The following NKAIN2 variants were observed in gnomAD, a reference collection of about 807,000 sequenced individuals.
The protein encoded by NKAIN2 is sodium/potassium transporting ATPase interacting 2.
NKAIN2 carries 14 observed loss-of-function variants against 32.6 expected under a neutral mutation model. That is an observed-to-expected ratio of 0.43 (90% CI 0.28 to 0.67). The LOEUF is 0.67. NKAIN2 is among the 30% of genes least tolerant of loss of function. The pLI is 0.17. For synonymous variants in NKAIN2, 80 were observed against 87.2 expected (o/e 0.92, Z 0.46); for missense variants, 198 against 258.3 (o/e 0.77, Z 1.60).
intron 1 of NKAIN2, among the ~76,000 whole-genome samples, chr6:123,850,639 C>T (rs1238509124): frequency 6.6e-6 from 1 of 152,080 alleles, no homozygotes; most frequent in Non-Finnish European, 1.5e-5. Flanking sequence ...ATAAACATTG[C>T]ATTTATTTAT....
At chr6:124,420,548 G>A (rs1158251519) in intron 3 of NKAIN2, among the ~76,000 whole-genome samples, 1 of 152,104 alleles carries the variant, frequency 6.6e-6, no homozygotes, top group Admixed American at 6.5e-5. Context: ...AGGCTTCTCA[G>A]TGTTAAAATT....
chr6:124,514,057 T>G (rs1347808527), intron 3 of NKAIN2, among the ~76,000 whole-genome samples: 1 of 152,132 alleles, frequency 6.6e-6, no homozygotes, highest in African/African-American at 2.4e-5. Context: ...GAACCAAATA[T>G]TATCAAAACA....
intron 1 of NKAIN2, among the ~76,000 whole-genome samples, chr6:123,825,804 C>G (rs1774122292): frequency 1.3e-5 from 2 of 152,132 alleles, no homozygotes; most frequent in East Asian, 3.9e-4. Flanking sequence ...GATAAAAACC[C>G]TCATGCAGCA....
chr6:124,192,836 G>A lies in NKAIN2; in HGVS notation c.55-90169G>A, dbSNP rs374031724. Among the ~76,000 whole-genome samples, 7 of 132,534 alleles carry A rather than the reference G, an allele frequency of 5.3e-5. No individual in the cohort carries two copies. In the East Asian group the frequency reaches 7.7e-4, roughly 15 times the overall value. 86.9% of individuals were successfully genotyped at this position (132,534 alleles called of 152,430 possible). A position where few individuals can be genotyped will look rare whatever the true frequency, so the allele number is the denominator to read the frequency against. On this transcript the variant is annotated intron_variant, in intron 1 of 6. Coordinates refer to ENST00000368417, the MANE Select transcript of NKAIN2 (RefSeq NM_001040214.3). ...ACGATCTCGGCTCACTGCAAGCTCC[G>A]CCTCCCGGGTTCACGCCATTCTCCT...
intron 5 of NKAIN2, among the ~76,000 whole-genome samples, chr6:124,804,302 G>A (rs1044887820): frequency 3.9e-5 from 6 of 152,130 alleles, no homozygotes; most frequent in African/African-American, 1.4e-4. Flanking sequence ...TAGCAGATAT[G>A]AACAAGAACA....
At chr6:124,425,521 G>A (rs9491174) in intron 3 of NKAIN2, among the ~76,000 whole-genome samples, 2,279 of 152,112 alleles carry the variant, frequency 0.015, 57 homozygotes, top group African/African-American at 0.052. Context: ...ACTACCGACT[G>A]GGATGAAGTA....
At chr6:124,254,075 A>C (rs1793813085) in intron 1 of NKAIN2, among the ~76,000 whole-genome samples, 1 of 151,842 alleles carries the variant, frequency 6.6e-6, no homozygotes, top group Non-Finnish European at 1.5e-5. Flanking sequence ...TCGGCCTCCC[A>C]AAGTACTGTG....
At chr6:124,457,510 A>C (rs2114638339) in intron 3 of NKAIN2, among the ~76,000 whole-genome samples, 1 of 152,038 alleles carries the variant, frequency 6.6e-6, no homozygotes, top group Admixed American at 6.6e-5. Flanking sequence ...GTTCCCTCAG[A>C]ACTTCTCATA....
intron 2 of NKAIN2, among the ~76,000 whole-genome samples, chr6:124,312,519 A>G (rs1201397065): frequency 6.6e-6 from 1 of 152,178 alleles, no homozygotes; most frequent in Non-Finnish European, 1.5e-5. Flanking sequence ...TTATTATAAA[A>G]AGAATATTAC....
chr6:124,759,510 CCTCA>C (rs1778125949), intron 4 of NKAIN2, among the ~76,000 whole-genome samples: 1 of 151,474 alleles, frequency 6.6e-6, no homozygotes, highest in Non-Finnish European at 1.5e-5. Context: ...TGCGTTCTCT[CCTCA>C]CTTTCTTTCG....
At chr6:124,173,780 C>A (rs931661502) in intron 1 of NKAIN2, among the ~76,000 whole-genome samples, 2 of 151,866 alleles carry the variant, frequency 1.3e-5, no homozygotes, top group African/African-American at 4.8e-5. Context: ...AAAGTTTTTT[C>A]AGGTTTGTGC....
At position 124,215,122 on chromosome 6, in the gene NKAIN2, C is replaced by T. The variant is rs191081269; in HGVS notation, c.55-67883C>T. On this transcript the variant is annotated intron_variant, in intron 1 of 6. Coordinates refer to ENST00000368417, the MANE Select transcript of NKAIN2 (RefSeq NM_001040214.3). ...TATTAAAAAAACAATAATCATGGAA[C>T]ATAAGCAATCAACACTTTAATTGTG... Among the ~76,000 whole-genome samples the T allele has an allele frequency of 5.1e-3, 781 of 152,102 alleles. 4 individuals carry two copies. Among genetic ancestry groups the T allele is most frequent in the Middle Eastern group, 6.8e-3 (2 of 294 alleles).
chr6:124,416,074 A>C (rs1429984708), intron 3 of NKAIN2, among the ~76,000 whole-genome samples: 2 of 151,574 alleles, frequency 1.3e-5, no homozygotes, highest in Admixed American at 6.6e-5. Flanking sequence ...AATTTTTTCT[A>C]TTTCTCCCAC....
intron 1 of NKAIN2, among the ~76,000 whole-genome samples, chr6:123,907,339 G>A (rs944472688): frequency 6.6e-6 from 1 of 151,974 alleles, no homozygotes; most frequent in African/African-American, 2.4e-5. Context: ...TTTTTAAAAT[G>A]TGAAGTTCTT....
At chr6:124,287,617 G>T (rs1401199713) in intron 2 of NKAIN2, among the ~76,000 whole-genome samples, 1 of 152,074 alleles carries the variant, frequency 6.6e-6, no homozygotes, top group Non-Finnish European at 1.5e-5. Flanking sequence ...TTCATAGAAA[G>T]AATCAATCTT....
At chr6:124,668,348 G>A (rs1456501581) in intron 4 of NKAIN2, among the ~76,000 whole-genome samples, 1 of 151,974 alleles carries the variant, frequency 6.6e-6, no homozygotes, top group African/African-American at 2.4e-5. Flanking sequence ...TGAAATTTAT[G>A]AGTTATTCCA....
intron 2 of NKAIN2, among the ~76,000 whole-genome samples, chr6:124,309,517 A>T (rs1796634915): frequency 6.6e-6 from 1 of 152,150 alleles, no homozygotes; most frequent in Non-Finnish European, 1.5e-5. Context: ...TAATTTTTAA[A>T]TTTCATGAAG....
chr6:123,806,063 T>A (rs1255011513), intron 1 of NKAIN2, among the ~76,000 whole-genome samples: 1 of 152,130 alleles, frequency 6.6e-6, no homozygotes, highest in East Asian at 1.9e-4. Context: ...AGCTAAAGGT[T>A]CCTTTGTGTT....
intron 1 of NKAIN2, among the ~76,000 whole-genome samples, chr6:124,045,702 A>G (rs1782088763): frequency 6.6e-6 from 1 of 152,020 alleles, no homozygotes; most frequent in Non-Finnish European, 1.5e-5. Context: ...TATGTGTTTC[A>G]GTTTATTCTA....
Sources: gnomAD v4.1 joint callset for allele counts (sites outside exome capture counted in the v4.1 genomes callset) on GRCh38, gnomAD v4.1.1 for gene constraint, MANE v1.5 for transcripts, NCBI Gene and HGNC (gene_info 2026-07-23, HGNC 2026-07-21) for gene names.